The following TMEM238 variants were observed in gnomAD, a reference collection of about 807,000 sequenced individuals.
The protein encoded by TMEM238 is transmembrane protein 238.
For synonymous variants in TMEM238, 103 were observed against 111.5 expected, an observed-to-expected ratio of 0.92 and a Z score of 0.48; for missense variants, 169 against 206.8, an observed-to-expected ratio of 0.82 and a Z score of 1.12.
intron 1 of TMEM238, among the ~76,000 whole-genome samples, chr19:55,380,778 C>T (rs2089883736): frequency 1.3e-5 from 2 of 150,702 alleles, no homozygotes; most frequent in Admixed American, 1.3e-4. Context: ...CACTCTGTCA[C>T]TCAGGCTGGA....
In TMEM238 at chr19:55,383,818, G is replaced by T. The variant is rs2089895891; in HGVS notation, c.442C>A (p.Pro148Thr). ...CGGCGGGAGCCGGCGGCGGGCGGCG[G>T]GGGCGCGCGGGCGGCTCGGCGCGCT... ...RRARRAARAP[P>T]PPAAGSRRVR... is the part of the protein sequence containing the mutation. Residue 148 changes from proline to threonine, a missense_variant, in exon 1 of 2, where the codon CCG (proline) becomes ACG (threonine). By Grantham distance (38) the Pro-to-Thr change is conservative. Transcript: ENST00000444469. This position sits in a 1 kb window ranked among gnomAD's most constrained non-coding sequence, Gnocchi z 4.9. 1 of 498,488 alleles carries T rather than the reference G, an allele frequency of 2.0e-6. No individual in the cohort carries two copies. Among genetic ancestry groups the T allele is most frequent in the Non-Finnish European group, 2.6e-6 (1 of 388,088 alleles). 30.9% of individuals were successfully genotyped at this position (498,488 alleles called of 1,614,324 possible). A position where few individuals can be genotyped will look rare whatever the true frequency, so the allele number is the denominator to read the frequency against.
Position 55,384,068 on chromosome 19 carries a change from G to T in TMEM238, c.192C>A (p.Gly64=). ...TGVFAQLQVR[G]RDFGDLLIYS... is the part of the protein sequence containing the mutation. ...AGATGAGCAGGTCCCCGAAGTCGCG[G>T]CCGCGCACCTGCAGCTGCGCGAACA... is the stretch of plus-strand genomic sequence containing the variant. Residue 64 remains glycine, a synonymous_variant, in exon 1 of 2, where the codon GGC becomes GGA. Transcript: ENST00000444469. This position sits in a 1 kb window ranked among gnomAD's most constrained non-coding sequence, Gnocchi z 5.6. 6.8e-7 allele frequency: 1 copy of T among 1,478,942 alleles called. No homozygotes were observed. Among genetic ancestry groups the T allele is most frequent in the South Asian group, 1.2e-5 (1 of 81,106 alleles). 91.6% of individuals were successfully genotyped at this position (1,478,942 alleles called of 1,614,324 possible).
chr19:55,380,264 C>G (rs1039882461), intron 1 of TMEM238, among the ~76,000 whole-genome samples: 4 of 123,406 alleles, frequency 3.2e-5, no homozygotes, highest in Non-Finnish European at 3.4e-5. Flanking sequence ...AAAGGATTCT[C>G]CTCTCCTCCC....
Position 55,383,689 on chromosome 19 carries a change from C to T in TMEM238, c.*7+33G>A, listed in dbSNP as rs1231720090. ...CATTCCCGTCCCTCCCTCGGTCCCT[C>T]CGTCTCCCCGCCCTGCCCCGCCCGC... On this transcript the variant is annotated intron_variant, in intron 1 of 1. Transcript: ENST00000444469. This position sits in a 1 kb window ranked among gnomAD's most constrained non-coding sequence, Gnocchi z 4.9. 1.5e-5 allele frequency: 4 copies of T among 267,258 alleles called. No individual in the cohort carries two copies. Among genetic ancestry groups the T allele is most frequent in the African/African-American group, 9.0e-5 (4 of 44,312 alleles). 16.6% of individuals were successfully genotyped at this position (267,258 alleles called of 1,614,324 possible).
chr19:55,384,214 C>T lies in TMEM238; in HGVS notation c.46G>A (p.Gly16Ser). 8.6e-7 allele frequency: 1 copy of T among 1,163,020 alleles called. No individual in the cohort carries two copies. The highest frequency in any genetic ancestry group is 1.1e-6 in the Non-Finnish European group (1 of 948,266). The allele number at this position is 1,163,020 out of a possible 1,614,324, so 72.0% of individuals were successfully genotyped here. Residue 16 changes from glycine to serine, a missense_variant, in exon 1 of 2, where the codon GGT becomes AGT. Gly to Ser is a moderately conservative substitution (Grantham distance 56, BLOSUM62 0). Transcript: ENST00000444469. This position sits in a 1 kb window ranked among gnomAD's most constrained non-coding sequence, Gnocchi z 5.6. Reference protein sequence around the residue: ...AVCASQGSPPGAPSAPAAAPA... With the variant: ...AVCASQGSPPSAPSAPAAAPA... Reference sequence around the variant, plus strand: ...GCGGCCGCCGGCGCGGACGGTGCACCCGGCGGGCTCCCCTGCGAGGCGCAC... The same window carrying T: ...GCGGCCGCCGGCGCGGACGGTGCACTCGGCGGGCTCCCCTGCGAGGCGCAC...
In TMEM238 at chr19:55,383,493, C is replaced by T. The variant is rs2089893995; in HGVS notation, c.*7+229G>A. On this transcript the variant is annotated intron_variant, in intron 1 of 1. Coordinates refer to ENST00000444469, the MANE Select transcript of TMEM238 (RefSeq NM_001190764.2). The surrounding 1 kb of genome is among the most constrained non-coding windows in gnomAD (Gnocchi z 4.9). ...ACTGTGTGACTCGACCCCCACACTTCCCATCTCCAGGGGCAGGGTCTCACA... is the reference window on the plus strand; with the variant it reads ...ACTGTGTGACTCGACCCCCACACTTTCCATCTCCAGGGGCAGGGTCTCACA... Among the ~76,000 whole-genome samples, 1 of 152,174 alleles carries T rather than the reference C, an allele frequency of 6.6e-6. No individual in the cohort carries two copies. The highest frequency in any genetic ancestry group is 1.5e-5 in the Non-Finnish European group (1 of 68,024).
At position 55,383,791 on chromosome 19, in the gene TMEM238, C is replaced by T; in HGVS notation, c.469G>A (p.Val157Met). 1 of 313,598 alleles carries T rather than the reference C, an allele frequency of 3.2e-6. No individual in the cohort carries two copies. Among genetic ancestry groups the T allele is most frequent in the Non-Finnish European group, 4.8e-6 (1 of 207,368 alleles). The allele number at this position is 313,598 out of a possible 1,614,324, so 19.4% of individuals were successfully genotyped here. A position where few individuals can be genotyped will look rare whatever the true frequency, so the allele number is the denominator to read the frequency against. The change falls in exon 1 of 2, where the codon GTG (valine) becomes ATG (methionine). Residue 157 changes from valine to methionine, a missense_variant. By Grantham distance (21) the Val-to-Met change is conservative (BLOSUM62 1). Transcript: ENST00000444469. The surrounding 1 kb of genome is among the most constrained non-coding windows in gnomAD (Gnocchi z 4.9). ...PPPPAAGSRR[V>M]RLQLATLEAG... ...TCGAGCGTGGCGAGCTGCAGGCGCACGCGGCGGGAGCCGGCGGCGGGCGGC... is the reference window on the plus strand; with the variant it reads ...TCGAGCGTGGCGAGCTGCAGGCGCATGCGGCGGGAGCCGGCGGCGGGCGGC...
At position 55,383,999 on chromosome 19, in the gene TMEM238, G is replaced by T; in HGVS notation, c.261C>A (p.Ile87=). The T allele has an allele frequency of 6.9e-7, 1 of 1,451,396 alleles. No individual in the cohort carries two copies. Among genetic ancestry groups the T allele is most frequent in the Non-Finnish European group, 9.1e-7 (1 of 1,096,662 alleles). 89.9% of individuals were successfully genotyped at this position (1,451,396 alleles called of 1,614,324 possible). A position where few individuals can be genotyped will look rare whatever the true frequency, so the allele number is the denominator to read the frequency against. The change falls in exon 1 of 2, where the codon ATC becomes ATA. Residue 87 remains isoleucine, a synonymous_variant. Transcript: ENST00000444469. The surrounding 1 kb of genome is among the most constrained non-coding windows in gnomAD (Gnocchi z 4.9). ...TCTCGATGTTGCCGGTGTACCAGAG[G>T]ATCCAGCCCAGCAGGCTCAGGAACA... ...LLVFLSLLGW[I]LWYTGNIEIS...
In TMEM238 at chr19:55,383,488, C is replaced by A. The variant is rs1290148139; in HGVS notation, c.*7+234G>T. 1.3e-5 allele frequency among the ~76,000 whole-genome samples: 2 copies of A among 152,202 alleles called. No homozygotes were observed. Among genetic ancestry groups the A allele is most frequent in the Non-Finnish European group, 2.9e-5 (2 of 68,032 alleles). ...GCCTAACTGTGTGACTCGACCCCCACACTTCCCATCTCCAGGGGCAGGGTC... is the reference window on the plus strand; with the variant it reads ...GCCTAACTGTGTGACTCGACCCCCAAACTTCCCATCTCCAGGGGCAGGGTC... On this transcript the variant is annotated intron_variant, in intron 1 of 1. Transcript: ENST00000444469. This position sits in a 1 kb window ranked among gnomAD's most constrained non-coding sequence, Gnocchi z 4.9.
intron 1 of TMEM238, among the ~76,000 whole-genome samples, chr19:55,382,115 C>G (rs981110639): frequency 1.3e-4 from 20 of 151,360 alleles, no homozygotes; most frequent in Non-Finnish European, 2.4e-4. Flanking sequence ...ATTCACCCAT[C>G]CATCCATCAA....
At chr19:55,382,768 G>C (rs1177868802) in intron 1 of TMEM238, among the ~76,000 whole-genome samples, 1 of 152,228 alleles carries the variant, frequency 6.6e-6, no homozygotes, top group Admixed American at 6.5e-5. Flanking sequence ...GTTTAGGAAA[G>C]AGATAGAAGG....
At position 55,383,877 on chromosome 19, in the gene TMEM238, G is replaced by C; in HGVS notation, c.383C>G (p.Ala128Gly). Residue 128 changes from alanine to glycine, a missense_variant, in exon 1 of 2, where the codon GCC (alanine) becomes GGC (glycine). Ala to Gly is a moderately conservative substitution (Grantham distance 60, BLOSUM62 0). Transcript: ENST00000444469. This position sits in a 1 kb window ranked among gnomAD's most constrained non-coding sequence, Gnocchi z 4.9. ...GCCGGGCGCGGGGCGCTGGCCCGCG[G>C]CGGCGGGCGCCGACCAGCGGCGGGA... ...KLSRRWSAPA[A>G]AGQRPAPGSR... 1 of 1,028,268 alleles carries C rather than the reference G, an allele frequency of 9.7e-7. No individual in the cohort carries two copies. The highest frequency in any genetic ancestry group is 5.9e-5 in the East Asian group (1 of 16,908). 63.7% of individuals were successfully genotyped at this position (1,028,268 alleles called of 1,614,324 possible). A position where few individuals can be genotyped will look rare whatever the true frequency, so the allele number is the denominator to read the frequency against.
intron 1 of TMEM238, among the ~76,000 whole-genome samples, chr19:55,381,483 G>A (rs577988676): frequency 6.6e-6 from 1 of 151,332 alleles, no homozygotes; most frequent in African/African-American, 2.4e-5. Context: ...AGGATAATAG[G>A]GTTTAATTCT....
chr19:55,384,194 C>A lies in TMEM238; in HGVS notation c.66G>T (p.Ala22=). Residue 22 remains alanine, a synonymous_variant, in exon 1 of 2, where the codon GCG becomes GCT. Transcript: ENST00000444469. This position sits in a 1 kb window ranked among gnomAD's most constrained non-coding sequence, Gnocchi z 5.6. ...GSPPGAPSAP[A]AAPAPAAGLG... is the part of the protein sequence containing the mutation. Reference sequence around the variant, plus strand: ...GGCCGGCCGCGGGTGCTGGCGCGGCCGCCGGCGCGGACGGTGCACCCGGCG... The same window carrying A: ...GGCCGGCCGCGGGTGCTGGCGCGGCAGCCGGCGCGGACGGTGCACCCGGCG... 8.6e-7 allele frequency: 1 copy of A among 1,168,368 alleles called. No homozygotes were observed. 72.4% of individuals were successfully genotyped at this position (1,168,368 alleles called of 1,614,324 possible). A position where few individuals can be genotyped will look rare whatever the true frequency, so the allele number is the denominator to read the frequency against.
chr19:55,381,418 C>T (rs1197943681), intron 1 of TMEM238, among the ~76,000 whole-genome samples: 1 of 53,532 alleles, frequency 1.9e-5, no homozygotes, highest in African/African-American at 6.3e-5. Context: ...AACTCCATCT[C>T]AAAAAAAAAA....
rs545709932 is a variant in TMEM238 at position 55,384,155 on chromosome 19, C to G, written c.105G>C (p.Arg35=). The G allele has an allele frequency of 1.2e-3, 1,618 of 1,371,046 alleles. 2 individuals are homozygous for G. The highest frequency in any genetic ancestry group is 1.5e-3 in the Non-Finnish European group (1,542 of 1,050,102). The allele number at this position is 1,371,046 out of a possible 1,614,324, so 84.9% of individuals were successfully genotyped here. A position where few individuals can be genotyped will look rare whatever the true frequency, so the allele number is the denominator to read the frequency against. Residue 35 remains arginine (R), a synonymous_variant, in exon 1 of 2, where the codon CGG becomes CGC. Coordinates refer to ENST00000444469, the MANE Select transcript of TMEM238 (RefSeq NM_001190764.2). This position sits in a 1 kb window ranked among gnomAD's most constrained non-coding sequence, Gnocchi z 5.6. ...GCGCCACGGCCAGCAGCAGCGCCAT[C>G]CGGCAGCGGCCCAGGCCGGCCGCGG... ...PAPAAGLGRC[R]MALLLAVALD...
Position 55,383,458 on chromosome 19 carries a change from G to A in TMEM238, c.*7+264C>T, listed in dbSNP as rs1569037431. The stretch of plus-strand genomic sequence containing the variant: ...CTGGAAGCTGGGGCTCTCCCCGTGC[G>A]GGGGGCCTAACTGTGTGACTCGACC... On this transcript the variant is annotated intron_variant, in intron 1 of 1. Transcript: ENST00000444469. The surrounding 1 kb of genome is among the most constrained non-coding windows in gnomAD (Gnocchi z 4.9). Among the ~76,000 whole-genome samples the A allele has an allele frequency of 1.3e-5, 2 of 152,106 alleles. No individual in the cohort carries two copies. The highest frequency in any genetic ancestry group is 2.9e-5 in the Non-Finnish European group (2 of 68,000).
At chr19:55,380,174 C>T (rs958499296) in intron 1 of TMEM238, among the ~76,000 whole-genome samples, 2 of 151,790 alleles carry the variant, frequency 1.3e-5, no homozygotes, top group African/African-American at 2.4e-5. Flanking sequence ...GGCCTACGTT[C>T]GAGTCAGTGT....
chr19:55,383,057 G>T lies in TMEM238; in HGVS notation c.*7+665C>A, dbSNP rs1479919789. Among the ~76,000 whole-genome samples, 1 of 152,226 alleles carries T rather than the reference G, an allele frequency of 6.6e-6. No homozygotes were observed. The highest frequency in any genetic ancestry group is 2.4e-5 in the African/African-American group (1 of 41,460). ...TGGGGATGGTAATAGTAGTGACCTTGGAGACCAGTTACATGGAGAGGATTA... is the reference window on the plus strand; with the variant it reads ...TGGGGATGGTAATAGTAGTGACCTTTGAGACCAGTTACATGGAGAGGATTA... On this transcript the variant is annotated intron_variant, in intron 1 of 1. Coordinates refer to ENST00000444469, the MANE Select transcript of TMEM238 (RefSeq NM_001190764.2). The surrounding 1 kb of genome is among the most constrained non-coding windows in gnomAD (Gnocchi z 4.9).
Sources: gnomAD v4.1 joint callset for allele counts (sites outside exome capture counted in the v4.1 genomes callset) on GRCh38, gnomAD v4.1.1 for gene constraint, Gnocchi (gnomAD v3.1) non-coding constraint, MANE v1.5 for transcripts, NCBI Gene and HGNC (gene_info 2026-07-23, HGNC 2026-07-21) for gene names.